The following STK25 variants were observed in gnomAD, a reference collection of about 807,000 sequenced individuals.
STK25 encodes serine/threonine-protein kinase 25.
Under a neutral mutation model 53.8 loss-of-function variants are expected in STK25, and 29 were observed. The ratio of observed to expected loss-of-function variants is 0.54; its 90% CI spans 0.40 to 0.74. STK25 has a LOEUF of 0.74. Ranked by LOEUF, STK25 falls within the 30% of genes least tolerant of loss-of-function variation. The pLI, the probability that STK25 is intolerant of heterozygous loss-of-function variation, is 0.00. For synonymous variants in STK25, 247 were observed against 238.3 expected (o/e 1.04, Z -0.33); for missense variants, 420 against 568.0 (o/e 0.74, Z 2.65).
chr2:241,506,880 T>C (rs2065862447), intron 2 of STK25, among the ~76,000 whole-genome samples: 1 of 152,214 alleles, frequency 6.6e-6, no homozygotes, highest in South Asian at 2.1e-4. Flanking sequence ...TCTGTTAGCT[T>C]AATTCAGCAA....
intron 2 of STK25, among the ~76,000 whole-genome samples, chr2:241,505,066 G>A (rs538204901): frequency 4.0e-5 from 6 of 149,216 alleles, no homozygotes; most frequent in African/African-American, 1.5e-4. Context: ...ACAGGCACCC[G>A]CCATCATGCC....
At chr2:241,504,567 C>T (rs1370355483) in intron 2 of STK25, among the ~76,000 whole-genome samples, 1 of 152,188 alleles carries the variant, frequency 6.6e-6, no homozygotes, top group African/African-American at 2.4e-5. Flanking sequence ...CAGCTGTCTC[C>T]GGGTTGAGGG....
rs1198565692 is a variant in STK25, at chr2:241,508,435, G to A, written c.-101+8C>T. 2 of 1,079,482 alleles carry A rather than the reference G, an allele frequency of 1.9e-6. No homozygotes were observed. The highest frequency in any genetic ancestry group is 9.7e-5 in the East Asian group (1 of 10,294). 66.9% of individuals were successfully genotyped at this position (1,079,482 alleles called of 1,614,324 possible). On this transcript the variant is annotated splice_region_variant and intron_variant, in intron 1 of 11. Coordinates refer to ENST00000316586, the MANE Select transcript of STK25 (RefSeq NM_001271977.2). The stretch of plus-strand genomic sequence containing the variant: ...CGCCGCAAGCGCCCCGCCCGGCAGC[G>A]CGCCCACCTCCGCGGGGCTCCATCC...
At chr2:241,497,793 A>G in intron 9 of STK25, 106 bp from the exon 10 acceptor site, 1 of 1,185,716 alleles carries the variant, frequency 8.4e-7, no homozygotes, top group South Asian at 1.3e-5. Context: ...GGCTGGGAGC[A>G]GCCTGTCGGG....
rs947719185 is a variant in STK25, at chr2:241,508,001, C to T, written c.30+5G>A. The T allele has an allele frequency of 1.2e-6, 2 of 1,601,402 alleles. No individual in the cohort carries two copies. Among genetic ancestry groups the T allele is most frequent in the Non-Finnish European group, 1.7e-6 (2 of 1,175,182 alleles). Reference sequence around the variant, plus strand: ...GCTAGTCTTCCTGACCTGCACCCTTCTCACCTGGTTGGCAAATCCCCGGAG... The same window carrying T: ...GCTAGTCTTCCTGACCTGCACCCTTTTCACCTGGTTGGCAAATCCCCGGAG... On this transcript the variant is annotated splice_donor_5th_base_variant and intron_variant, in intron 2 of 11. Coordinates refer to ENST00000316586, the MANE Select transcript of STK25 (RefSeq NM_001271977.2).
At position 241,499,190 on chromosome 2, in the gene STK25, G is replaced by A; in HGVS notation, c.586-16C>T. The A allele has an allele frequency of 6.2e-7, 1 of 1,613,806 alleles. No individual in the cohort carries two copies. The highest frequency in any genetic ancestry group is 8.5e-7 in the Non-Finnish European group (1 of 1,179,854). On this transcript the variant is annotated splice_polypyrimidine_tract_variant and intron_variant, in intron 6 of 11. Coordinates refer to ENST00000316586, the MANE Select transcript of STK25 (RefSeq NM_001271977.2). ...AGATGTCAGCCTGGACAGAACACAAGGACTGTTGCTGCCCTGAGCACCCGA... is the reference window on the plus strand; with the variant it reads ...AGATGTCAGCCTGGACAGAACACAAAGACTGTTGCTGCCCTGAGCACCCGA...
At chr2:241,498,462 C>G in intron 8 of STK25, 113 bp from the exon 9 acceptor site, 1 of 1,273,474 alleles carries the variant, frequency 7.9e-7, no homozygotes, top group Admixed American at 2.5e-5. Context: ...GGGGCTCTGC[C>G]AGGCCACGGG....
chr2:241,498,766 G>C lies in STK25; in HGVS notation c.790C>G (p.Leu264Val), dbSNP rs1371978316. The change falls in exon 8 of 12, where the codon CTC (leucine) becomes GTC (valine). Residue 264 changes from leucine to valine, a missense_variant. Coordinates refer to ENST00000316586, the MANE Select transcript of STK25 (RefSeq NM_001271977.2). ...CGTGTGATGAACTTGTGCTTCAGGA[G>C]CTCCTTGGCCGTGGGCCGCTGCAGG... Reference protein sequence around the residue: ...DPRFRPTAKELLKHKFITRYT... With the variant: ...DPRFRPTAKEVLKHKFITRYT... 3.1e-6 allele frequency: 5 copies of C among 1,613,972 alleles called. No individual in the cohort carries two copies. In the Admixed American group the frequency reaches 6.7e-5, roughly 22 times the overall value.
At chr2:241,507,457 G>C (rs543427590) in intron 2 of STK25, among the ~76,000 whole-genome samples, 2 of 152,354 alleles carry the variant, frequency 1.3e-5, no homozygotes, top group South Asian at 4.1e-4. Flanking sequence ...GGTCCTGACA[G>C]AGCAGCCTTT....
At chr2:241,498,888 A>AG (rs763403039) in intron 7 of STK25, 101 bp downstream of exon 7, 3 of 1,608,272 alleles carry the variant, frequency 1.9e-6, no homozygotes, top group Non-Finnish European at 2.6e-6. Context: ...CACAGCTACA[A>AG]GGCTGGTGGG....
chr2:241,504,306 C>T (rs1386121235), intron 2 of STK25, among the ~76,000 whole-genome samples: 1 of 152,224 alleles, frequency 6.6e-6, no homozygotes, highest in Non-Finnish European at 1.5e-5. Context: ...CTCATTCTCT[C>T]ATCAGTACAG....
At chr2:241,499,954 C>A (rs905748618) in intron 5 of STK25, 8 of 652,584 alleles carry the variant, frequency 1.2e-5, no homozygotes, top group Non-Finnish European at 2.0e-5. Context: ...TTCCTACACT[C>A]AGTCCACAGC....
intron 2 of STK25, among the ~76,000 whole-genome samples, chr2:241,506,702 G>C (rs1286055645): frequency 6.6e-6 from 1 of 152,176 alleles, no homozygotes; most frequent in Non-Finnish European, 1.5e-5. Context: ...GGGAGGCAGA[G>C]GGTGCAGTGA....
chr2:241,496,344 T>C lies in STK25; in HGVS notation c.1241+54A>G. ...AGTGAGCACTGGACCTCACCCCACG[T>C]CCAGCTTCTTGGTGGGGGTGCTCTC... On this transcript the variant is annotated intron_variant, in intron 11 of 11. Transcript: ENST00000316586. This position sits in a 1 kb window ranked among gnomAD's most constrained non-coding sequence, Gnocchi z 5.8. 1.3e-6 allele frequency: 2 copies of C among 1,583,330 alleles called. No individual in the cohort carries two copies. The highest frequency in any genetic ancestry group is 1.7e-6 in the Non-Finnish European group (2 of 1,160,302).
At chr2:241,499,750 C>A in intron 5 of STK25, 1 of 480,608 alleles carries the variant, frequency 2.1e-6, no homozygotes. Flanking sequence ...GCCAGGAAGC[C>A]CCCTGCTCCA....
chr2:241,497,625 G>C lies in STK25; in HGVS notation c.1095C>G (p.Val365=). ...CCAGCCCCATCCTCACCTCTCCGAA[G>C]ACGGGCCGGACCAGCGTGGACAGGC... is the stretch of plus-strand genomic sequence containing the variant. ...SQCLSTLVRP[V]FGELKEKHKQ... is the part of the protein sequence containing the mutation. Residue 365 remains valine (V), a synonymous_variant, in exon 10 of 12, where the codon GTC becomes GTG. Transcript: ENST00000316586. 1.9e-6 allele frequency: 3 copies of C among 1,613,498 alleles called. No individual in the cohort carries two copies. The highest frequency in any genetic ancestry group is 2.5e-6 in the Non-Finnish European group (3 of 1,179,986).
Position 241,496,507 on chromosome 2 carries a change from C to T in STK25, c.1132G>A (p.Gly378Arg), listed in dbSNP as rs771701141. The change falls in exon 11 of 12, where the codon GGG becomes AGG. Residue 378 changes from glycine (G) to arginine (R), a missense_variant. By Grantham distance (125) the Gly-to-Arg change is moderately radical (BLOSUM62 -2). Transcript: ENST00000316586. This position sits in a 1 kb window ranked among gnomAD's most constrained non-coding sequence, Gnocchi z 5.8. ...ELKEKHKQSG[G>R]SVGALEELEN... ...AGCTCCTCCAGCGCACCCACGCTCCCGCCGCTCTGCTTGTGCTTCTCTTTG... is the reference window on the plus strand; with the variant it reads ...AGCTCCTCCAGCGCACCCACGCTCCTGCCGCTCTGCTTGTGCTTCTCTTTG... 8 of 1,613,730 alleles carry T rather than the reference C, an allele frequency of 5.0e-6. No homozygotes were observed. The highest frequency in any genetic ancestry group is 2.2e-5 in the East Asian group (1 of 44,838).
In STK25 at chr2:241,493,025, A is replaced by G. The variant is rs1009145780; in HGVS notation, c.*2637T>C. ...TACCAACTTCTGTTTGTTCTTCTAC[A>G]AAACTCATCAGGTACTGGAGTTTCA... On this transcript the variant is annotated 3_prime_UTR_variant, in exon 12 of 12. Coordinates refer to ENST00000316586, the MANE Select transcript of STK25 (RefSeq NM_001271977.2). 7.6e-6 allele frequency: 12 copies of G among 1,586,860 alleles called. No homozygotes were observed. Among genetic ancestry groups the G allele is most frequent in the Admixed American group, 3.3e-5 (2 of 59,978 alleles).
intron 2 of STK25, among the ~76,000 whole-genome samples, chr2:241,505,083 A>ATT (rs112803069): frequency 1.4e-5 from 2 of 144,362 alleles, no homozygotes; most frequent in Admixed American, 6.9e-5. Context: ...TGCCCCGTTA[A>ATT]TTTTTTTTTT....
Sources: gnomAD v4.1 joint callset for allele counts (sites outside exome capture counted in the v4.1 genomes callset) on GRCh38, gnomAD v4.1.1 for gene constraint, Gnocchi (gnomAD v3.1) non-coding constraint, MANE v1.5 for transcripts, NCBI Gene and HGNC (gene_info 2026-07-23, HGNC 2026-07-21) for gene names.